Variants in FLNC observed in about 807,000 individuals in gnomAD.
The protein encoded by FLNC is filamin-C.
FLNC carries 91 observed loss-of-function variants against 254.3 expected under a neutral mutation model. The observed-to-expected ratio is 0.36, with a 90% confidence interval of 0.30 to 0.43. FLNC has a LOEUF of 0.43. FLNC is among the 20% of genes least tolerant of loss of function. FLNC has a pLI of 1.00. For missense variants in FLNC, 2,853 were observed against 3,802.6 expected (o/e 0.75, Z 6.57); for synonymous variants, 1,430 against 1,577.2 (o/e 0.91, Z 2.21).
rs568110026 is a variant in FLNC at position 128,845,094 on chromosome 7, G to A, written c.3629G>A (p.Gly1210Asp). ...GTGCTGATCCACAACAACGCGGATGGCACCTACCACATCACCTACAGCCCT... is the reference window on the plus strand; with the variant it reads ...GTGCTGATCCACAACAACGCGGATGACACCTACCACATCACCTACAGCCCT... ...AEVLIHNNAD[G>D]TYHITYSPAF... is the part of the protein sequence containing the mutation. Residue 1210 changes from glycine to aspartate, a missense_variant, in exon 21 of 48, where the codon GGC (glycine) becomes GAC (aspartate). Gly to Asp is a moderately conservative substitution (Grantham distance 94, BLOSUM62 -1). This residue lies in a region of FLNC where 1,573 missense variants were observed against 1,883.5 expected (regional missense o/e 0.84). Coordinates refer to ENST00000325888, the MANE Select transcript of FLNC (RefSeq NM_001458.5). The A allele has an allele frequency of 1.1e-5, 17 of 1,613,948 alleles. No homozygotes were observed. In the South Asian group the frequency reaches 1.5e-4, roughly 15 times the overall value.
At chr7:128,853,661 G>T (rs2128939145) in intron 38 of FLNC, 40 bp downstream of exon 38, 1 of 1,614,008 alleles carries the variant, frequency 6.2e-7, no homozygotes, top group East Asian at 2.2e-5. Flanking sequence ...GAGACAGGGA[G>T]GCCAGGAGGC....
rs370526829 is a variant in FLNC at position 128,842,710 on chromosome 7, C to T, written c.2389+12C>T. 2.3e-3 allele frequency: 2,351 copies of T among 1,010,642 alleles called. 5 individuals are homozygous for T. Among genetic ancestry groups the T allele is most frequent in the Admixed American group, 3.3e-3 (150 of 45,292 alleles). 62.6% of individuals were successfully genotyped at this position (1,010,642 alleles called of 1,614,324 possible). The stretch of plus-strand genomic sequence containing the variant: ...CGAGGCGGGGCAAGGTGCGCCCAGC[C>T]GGAAGGGGTGGGTCTGGGAGGGGGC... On this transcript the variant is annotated intron_variant, in intron 15 of 47. Coordinates refer to ENST00000325888, the MANE Select transcript of FLNC (RefSeq NM_001458.5). This position sits in a 1 kb window ranked among gnomAD's most constrained non-coding sequence, Gnocchi z 5.4.
Position 128,830,798 on chromosome 7 carries a change from G to A in FLNC, c.161G>A (p.Gly54Asp), listed in dbSNP as rs1032152678. ...TGCAATGAGCACCTCAAGTGCGTGG[G>A]CAAGCGCCTGACCGACCTGCAGCGC... is the stretch of plus-strand genomic sequence containing the variant. ...RWCNEHLKCV[G>D]KRLTDLQRDL... Residue 54 changes from glycine (G) to aspartate (D), a missense_variant, in exon 1 of 48, where the codon GGC becomes GAC. Transcript: ENST00000325888. The A allele has an allele frequency of 1.4e-5, 23 of 1,612,952 alleles. No individual in the cohort carries two copies. The highest frequency in any genetic ancestry group is 1.7e-5 in the Non-Finnish European group (20 of 1,179,908).
Position 128,840,820 on chromosome 7 carries a change from C to A in FLNC, c.1677-14C>A. 1 of 1,613,640 alleles carries A rather than the reference C, an allele frequency of 6.2e-7. No homozygotes were observed. The highest frequency in any genetic ancestry group is 1.1e-5 in the South Asian group (1 of 91,062). ...GCACTTCCTGGCATGGACACCAGCT[C>A]CCTCTCTGCCCAGCCCCTTTGAGGT... is the stretch of plus-strand genomic sequence containing the variant. On this transcript the variant is annotated splice_polypyrimidine_tract_variant and intron_variant, in intron 10 of 47. Transcript: ENST00000325888.
Position 128,852,923 on chromosome 7 carries a change from G to C in FLNC, c.6100G>C (p.Gly2034Arg). 2 of 1,613,672 alleles carry C rather than the reference G, an allele frequency of 1.2e-6. No individual in the cohort carries two copies. The highest frequency in any genetic ancestry group is 1.7e-6 in the Non-Finnish European group (2 of 1,180,040). ...CAACAGCCCCTTCAAGATCCTGGTG[G>C]GGCCATCTGAGATCGGGGACGCCAG... is the stretch of plus-strand genomic sequence containing the variant. Reference protein sequence around the residue: ...VTNSPFKILVGPSEIGDASKV... With the variant: ...VTNSPFKILVRPSEIGDASKV... Residue 2034 changes from glycine (G) to arginine (R), a missense_variant, in exon 37 of 48, where the codon GGG becomes CGG. Gly to Arg is a moderately radical substitution (Grantham distance 125, BLOSUM62 -2). Coordinates refer to ENST00000325888, the MANE Select transcript of FLNC (RefSeq NM_001458.5).
intron 37 of FLNC, 58 bp downstream of exon 37, chr7:128,853,089 C>A: frequency 1.3e-6 from 2 of 1,503,084 alleles, no homozygotes; most frequent in Non-Finnish European, 1.8e-6. Flanking sequence ...GGCACTTGTC[C>A]TCGTCCTGCC....
In FLNC at chr7:128,840,671, G is replaced by A. The variant is rs776881635; in HGVS notation, c.1673G>A (p.Arg558His). ...TITWGGYAIP[R>H]SPFEVQVSPE... ...ACGTGGGGCGGCTACGCCATCCCTC[G>A]CAGGTGAGTACCTTGCGCCCCCCAT... The change falls in exon 10 of 48, where the codon CGC becomes CAC. Residue 558 changes from arginine (R) to histidine (H), a missense_variant. Physicochemically the swap from Arg to His is conservative, Grantham distance 29 (BLOSUM62 0). This residue lies in a region of FLNC where 1,573 missense variants were observed against 1,883.5 expected (regional missense o/e 0.84). Coordinates refer to ENST00000325888, the MANE Select transcript of FLNC (RefSeq NM_001458.5). 40 of 1,614,070 alleles carry A rather than the reference G, an allele frequency of 2.5e-5. No individual in the cohort carries two copies. The highest frequency in any genetic ancestry group is 6.7e-5 in the East Asian group (3 of 44,892).
At position 128,856,397 on chromosome 7, in the gene FLNC, TG is replaced by T; in HGVS notation, c.7252-118del. On this transcript the variant is annotated intron_variant, in intron 43 of 47. Coordinates refer to ENST00000325888, the MANE Select transcript of FLNC (RefSeq NM_001458.5). This position sits in a 1 kb window ranked among gnomAD's most constrained non-coding sequence, Gnocchi z 5.9. ...CTGGGCTGGCAGGCAGGGGCCAGGC[TG>T]GGCATGGGGTGGCAGCAGCCTTTGG... The T allele has an allele frequency of 7.4e-7, 1 of 1,343,664 alleles. No individual in the cohort carries two copies. Among genetic ancestry groups the T allele is most frequent in the Non-Finnish European group, 1.0e-6 (1 of 955,798 alleles). The allele number at this position is 1,343,664 out of a possible 1,614,324, so 83.2% of individuals were successfully genotyped here.
In FLNC at chr7:128,846,435, A is replaced by G; in HGVS notation, c.4099A>G (p.Lys1367Glu). ...GPGLEGGLVN[K>E]ANRFTVETRG... ...AGGCCTGGAGGGTGGCTTGGTCAAC[A>G]AGGCCAACCGATTCACTGTGGAGAC... The change falls in exon 23 of 48, where the codon AAG (lysine) becomes GAG (glutamate). Residue 1367 changes from lysine to glutamate, a missense_variant. By Grantham distance (56) the Lys-to-Glu change is moderately conservative. This residue lies in a region of FLNC where 1,573 missense variants were observed against 1,883.5 expected (regional missense o/e 0.84). Coordinates refer to ENST00000325888, the MANE Select transcript of FLNC (RefSeq NM_001458.5). 6.2e-7 allele frequency: 1 copy of G among 1,604,088 alleles called. No individual in the cohort carries two copies. The highest frequency in any genetic ancestry group is 8.5e-7 in the Non-Finnish European group (1 of 1,179,960).
chr7:128,832,234 C>T (rs1440941787), intron 1 of FLNC, among the ~76,000 whole-genome samples: 1 of 152,166 alleles, frequency 6.6e-6, no homozygotes, highest in Non-Finnish European at 1.5e-5. Context: ...CCACCCCACC[C>T]GCCTGCCCTG....
At chr7:128,848,413 C>A in intron 26 of FLNC, 148 bp from the exon 27 acceptor site, 1 of 886,516 alleles carries the variant, frequency 1.1e-6, no homozygotes, top group Non-Finnish European at 1.9e-6. Context: ...GGAATGTCAT[C>A]GGCTTCTGGG....
intron 8 of FLNC, 123 bp downstream of exon 8, chr7:128,838,926 C>G (rs1377374094): frequency 4.7e-6 from 4 of 844,416 alleles, no homozygotes; most frequent in Non-Finnish European, 7.5e-6. Flanking sequence ...CATCCCACCC[C>G]CAAGGTGGCT....
intron 6 of FLNC, 62 bp from the exon 7 acceptor site, chr7:128,838,205 C>T: frequency 6.4e-7 from 1 of 1,563,756 alleles, no homozygotes; most frequent in South Asian, 1.1e-5. Context: ...CTGGCTGTGC[C>T]CCTCTGCCCC....
At chr7:128,833,724 G>C (rs539144463) in intron 1 of FLNC, among the ~76,000 whole-genome samples, 1 of 152,360 alleles carries the variant, frequency 6.6e-6, no homozygotes, top group East Asian at 1.9e-4. Context: ...TCGGGGTTGT[G>C]AGAGGCTGGG....
In FLNC at chr7:128,843,513, G is replaced by A. The variant is rs143720860; in HGVS notation, c.2747G>A (p.Arg916Gln). The part of the protein sequence containing the change: ...FAGTAKGEVV[R>Q]DFEIIDNHDY... ...GGGACAGCCAAGGGCGAGGTTGTGC[G>A]GGACTTTGAGATCATAGACAACCAT... Residue 916 changes from arginine to glutamine, a missense_variant, in exon 18 of 48, where the codon CGG becomes CAG. Arg to Gln is a conservative substitution (Grantham distance 43). Coordinates refer to ENST00000325888, the MANE Select transcript of FLNC (RefSeq NM_001458.5). The A allele has an allele frequency of 3.5e-5, 57 of 1,614,000 alleles. No individual in the cohort carries two copies. In the African/African-American group the frequency reaches 5.5e-4, roughly 15 times the overall value.
intron 24 of FLNC, 31 bp downstream of exon 24, chr7:128,846,936 G>A (rs1808593136): frequency 1.9e-6 from 3 of 1,613,438 alleles, no homozygotes; most frequent in Non-Finnish European, 2.5e-6. Flanking sequence ...GGGTCTCAGG[G>A]AAGACAAGGG....
chr7:128,847,673 G>A lies in FLNC; in HGVS notation c.4289-24G>A, dbSNP rs1808617433. The stretch of plus-strand genomic sequence containing the variant: ...GGGACCCATCAGGGCTGGTGGGCAG[G>A]GTCTAATGTCCTTCTCCTCACAGGG... On this transcript the variant is annotated intron_variant, in intron 24 of 47. Coordinates refer to ENST00000325888, the MANE Select transcript of FLNC (RefSeq NM_001458.5). 4 of 1,613,560 alleles carry A rather than the reference G, an allele frequency of 2.5e-6. No homozygotes were observed. The African/African-American group carries it at 4.0e-5, about 16-fold the overall frequency.
intron 24 of FLNC, among the ~76,000 whole-genome samples, chr7:128,847,282 T>C (rs537726194): frequency 6.6e-6 from 1 of 152,402 alleles, no homozygotes; most frequent in East Asian, 1.9e-4. Flanking sequence ...CCCTGCCCTC[T>C]GCAGACCCAG....
rs558911673 is a variant in FLNC at position 128,837,099 on chromosome 7, T to C, written c.602-61T>C. ...CCTCTGAGGGTGTTGGGTGAACAAA[T>C]GCCCTGCATCCTGGCCGGCTGGCTG... On this transcript the variant is annotated intron_variant, in intron 2 of 47. Coordinates refer to ENST00000325888, the MANE Select transcript of FLNC (RefSeq NM_001458.5). 81 of 1,152,324 alleles carry C rather than the reference T, an allele frequency of 7.0e-5. No homozygotes were observed. In the African/African-American group the frequency reaches 1.2e-3, roughly 16 times the overall value. 71.4% of individuals were successfully genotyped at this position (1,152,324 alleles called of 1,614,324 possible). A position where few individuals can be genotyped will look rare whatever the true frequency, so the allele number is the denominator to read the frequency against.
Sources: allele counts gnomAD v4.1 joint callset (sites outside exome capture counted in the v4.1 genomes callset), GRCh38; gene constraint gnomAD v4.1.1; regional missense constraint gnomAD v4.1.1; non-coding constraint Gnocchi (gnomAD v3.1); transcripts MANE v1.5; gene names NCBI Gene and HGNC (gene_info 2026-07-23, HGNC 2026-07-21).